The following CCDC112 variants were observed in gnomAD, a reference collection of about 807,000 sequenced individuals.
The protein encoded by CCDC112 is coiled-coil domain containing 112, also known as coiled-coil domain-containing protein 112.
Under a neutral mutation model 66.3 loss-of-function variants are expected in CCDC112, and 40 were observed. The ratio of observed to expected loss-of-function variants is 0.60; its 90% confidence interval spans 0.47 to 0.79. CCDC112 has a LOEUF of 0.79. CCDC112 is among the 30% of genes least tolerant of loss of function. The pLI, the probability that CCDC112 is intolerant of heterozygous loss-of-function variation, is 0.00. For missense variants in CCDC112, 659 were observed against 603.8 expected, an observed-to-expected ratio of 1.09 and a Z score of -0.96; for synonymous variants, 214 against 197.2, an observed-to-expected ratio of 1.09 and a Z score of -0.71.
chr5:115,272,531 T>C (rs950029237), intron 6 of CCDC112, among the ~76,000 whole-genome samples: 1 of 152,220 alleles, frequency 6.6e-6, no homozygotes, highest in Non-Finnish European at 1.5e-5. Flanking sequence ...GAAGATTAAA[T>C]GAGTTAGCGT....
chr5:115,282,479 T>G (rs1303606354), intron 2 of CCDC112, among the ~76,000 whole-genome samples: 2 of 152,178 alleles, frequency 1.3e-5, no homozygotes, highest in Non-Finnish European at 2.9e-5. Flanking sequence ...AACAAACTTT[T>G]GTGTGTGCCT....
rs1461390975 is a variant in CCDC112 at position 115,275,226 on chromosome 5, C to G, written c.908G>C (p.Arg303Thr). The G allele has an allele frequency of 6.3e-7, 1 of 1,592,938 alleles. No individual in the cohort carries two copies. The highest frequency in any genetic ancestry group is 8.5e-7 in the Non-Finnish European group (1 of 1,173,452). ...WYQKFLALEE[R>T]KKESIQIWKT... ...TATTATAATTATTACCTCTTTTTTTCTTTCTTCTAGAGCCAGAAACTTTTG... is the reference window on the plus strand; with the variant it reads ...TATTATAATTATTACCTCTTTTTTTGTTTCTTCTAGAGCCAGAAACTTTTG... The change falls in exon 6 of 10, where the codon AGA becomes ACA. Residue 303 changes from arginine to threonine, a missense_variant. Arg to Thr is a moderately conservative substitution (Grantham distance 71, BLOSUM62 -1). Coordinates refer to ENST00000379611, the MANE Select transcript of CCDC112 (RefSeq NM_001040440.3).
chr5:115,269,301 C>T (rs934056919), intron 8 of CCDC112, among the ~76,000 whole-genome samples: 1 of 152,076 alleles, frequency 6.6e-6, no homozygotes, highest in African/African-American at 2.4e-5. Context: ...TATAGCCAGA[C>T]AACAAATTTA....
At chr5:115,284,418 T>TA (rs1580805063) in intron 2 of CCDC112, among the ~76,000 whole-genome samples, 1 of 152,040 alleles carries the variant, frequency 6.6e-6, no homozygotes, top group South Asian at 2.1e-4. Context: ...ATACACATAA[T>TA]AAAAAAACAC....
rs141918291 is a variant in CCDC112, at chr5:115,276,583, A to C, written c.451+382T>G. On this transcript the variant is annotated intron_variant, in intron 4 of 9. Transcript: ENST00000379611. Reference sequence around the variant, plus strand: ...ATTATTTCAAAAAGCAAATGAAGGGAAAACACTGGGACAGGATTAAGGAAA... The same window carrying C: ...ATTATTTCAAAAAGCAAATGAAGGGCAAACACTGGGACAGGATTAAGGAAA... Among the ~76,000 whole-genome samples, 100 of 152,310 alleles carry C rather than the reference A, an allele frequency of 6.6e-4. No homozygotes were observed. The East Asian group carries it at 0.015, about 23-fold the overall frequency.
chr5:115,296,587 T>A lies in CCDC112; in HGVS notation c.-44A>T. On this transcript the variant is annotated 5_prime_UTR_variant, in exon 1 of 10. Transcript: ENST00000379611. ...TCGGGCCGCGGCGGCCACCGGTGCC[T>A]GGGGATTCGTGGCAGGCGCACCCTG... is the stretch of plus-strand genomic sequence containing the variant. The A allele has an allele frequency of 7.0e-7, 1 of 1,420,284 alleles. No homozygotes were observed. The highest frequency in any genetic ancestry group is 9.2e-7 in the Non-Finnish European group (1 of 1,091,522). The allele number at this position is 1,420,284 out of a possible 1,614,324, so 88.0% of individuals were successfully genotyped here. A position where few individuals can be genotyped will look rare whatever the true frequency, so the allele number is the denominator to read the frequency against.
intron 4 of CCDC112, 83 bp downstream of exon 4, chr5:115,276,882 C>T: frequency 1.2e-6 from 1 of 840,740 alleles, no homozygotes; most frequent in Non-Finnish European, 1.9e-6. Flanking sequence ...AAGTCCTAAC[C>T]AATAAAGTAG....
At chr5:115,283,686 G>A (rs560016552) in intron 2 of CCDC112, among the ~76,000 whole-genome samples, 1 of 152,152 alleles carries the variant, frequency 6.6e-6, no homozygotes, top group Admixed American at 6.5e-5. Flanking sequence ...CAAAAGCTAC[G>A]ATATGGTATA....
chr5:115,274,554 G>A (rs1442675520), intron 6 of CCDC112, among the ~76,000 whole-genome samples: 1 of 151,968 alleles, frequency 6.6e-6, no homozygotes, highest in African/African-American at 2.4e-5. Context: ...TGTGGCCTTT[G>A]CTCGTAAGAT....
rs138013115 is a variant in CCDC112, at chr5:115,276,306, C to T, written c.452-237G>A. Among the ~76,000 whole-genome samples the T allele has an allele frequency of 6.8e-3, 1,038 of 152,226 alleles. 11 individuals carry two copies. Among genetic ancestry groups the T allele is most frequent in the African/African-American group, 0.024 (980 of 41,556 alleles). ...TTTTAGAGCTGAGGAAATGAAAGCTCAGATATATCAAGTAACTTGCCTAAA... is the reference window on the plus strand; with the variant it reads ...TTTTAGAGCTGAGGAAATGAAAGCTTAGATATATCAAGTAACTTGCCTAAA... On this transcript the variant is annotated intron_variant, in intron 4 of 9. Transcript: ENST00000379611.
intron 1 of CCDC112, among the ~76,000 whole-genome samples, chr5:115,295,581 T>G (rs374122927): frequency 2.6e-5 from 4 of 152,212 alleles, no homozygotes; most frequent in Admixed American, 6.5e-5. Flanking sequence ...AGGTTTATAT[T>G]GATCCACAAA....
chr5:115,268,050 G>T, intron 9 of CCDC112, 132 bp from the exon 10 acceptor site: 1 of 675,768 alleles, frequency 1.5e-6, no homozygotes, highest in Non-Finnish European at 2.6e-6. Flanking sequence ...GTTCATATGG[G>T]CATGTAGGTT....
chr5:115,275,003 A>G (rs1749143205), intron 6 of CCDC112, among the ~76,000 whole-genome samples: 1 of 152,168 alleles, frequency 6.6e-6, no homozygotes, highest in Non-Finnish European at 1.5e-5. Context: ...TTAACCTCCC[A>G]GAGTGCTGGG....
rs781598493 is a variant in CCDC112, at chr5:115,269,703, C to A, written c.1428G>T (p.Lys476Asn). 6.3e-7 allele frequency: 1 copy of A among 1,582,078 alleles called. No homozygotes were observed. Among genetic ancestry groups the A allele is most frequent in the African/African-American group, 1.4e-5 (1 of 73,778 alleles). The change falls in exon 8 of 10, where the codon AAG (lysine) becomes AAT (asparagine). Residue 476 changes from lysine to asparagine, a missense_variant and splice_region_variant. Lys to Asn is a moderately conservative substitution (Grantham distance 94). Coordinates refer to ENST00000379611, the MANE Select transcript of CCDC112 (RefSeq NM_001040440.3). The stretch of plus-strand genomic sequence containing the variant: ...TGAAAATAATCTCGGTGCAGAGTAC[C>A]TTTTCTTTTAATTTTGCCAGTCTTC... ...KQRRLAKLKE[K>N]VENNVSRDPS...
At chr5:115,287,138 T>C (rs1237105056) in intron 1 of CCDC112, among the ~76,000 whole-genome samples, 2 of 152,194 alleles carry the variant, frequency 1.3e-5, no homozygotes, top group African/African-American at 4.8e-5. Context: ...CATTTTACAT[T>C]CCCACCAGCA....
At chr5:115,284,118 T>C (rs538920822) in intron 2 of CCDC112, among the ~76,000 whole-genome samples, 110 of 149,426 alleles carry the variant, frequency 7.4e-4, no homozygotes, top group African/African-American at 2.6e-3. Context: ...AAAAAAAAAG[T>C]AAGAGCACAG....
Position 115,267,738 on chromosome 5 carries a change from A to T in CCDC112, c.*138T>A. The stretch of plus-strand genomic sequence containing the variant: ...TAATGACAAAGCCTCATGAAACTTA[A>T]TACCTCTCAATTCACAATATAGCAC... On this transcript the variant is annotated 3_prime_UTR_variant, in exon 10 of 10. Coordinates refer to ENST00000379611, the MANE Select transcript of CCDC112 (RefSeq NM_001040440.3). 1.4e-6 allele frequency: 1 copy of T among 729,962 alleles called. No individual in the cohort carries two copies. The highest frequency in any genetic ancestry group is 2.5e-5 in the Admixed American group (1 of 40,490). The allele number at this position is 729,962 out of a possible 1,614,324, so 45.2% of individuals were successfully genotyped here.
chr5:115,270,123 G>C (rs1256918330), intron 7 of CCDC112, among the ~76,000 whole-genome samples: 2 of 151,798 alleles, frequency 1.3e-5, no homozygotes, highest in African/African-American at 4.8e-5. Flanking sequence ...TATATTTTCT[G>C]TTTTGTGGGT....
chr5:115,277,321 A>T (rs1194146839), intron 3 of CCDC112: 1 of 243,848 alleles, frequency 4.1e-6, no homozygotes, highest in Non-Finnish European at 7.9e-6. Context: ...CCTTCTGTGT[A>T]GATTGAGTTA....
Sources: gnomAD v4.1 joint callset for allele counts (sites outside exome capture counted in the v4.1 genomes callset) on GRCh38, gnomAD v4.1.1 for gene constraint, MANE v1.5 for transcripts, NCBI Gene and HGNC (gene_info 2026-07-23, HGNC 2026-07-21) for gene names.